Variants in NTNG1 observed in about 807,000 individuals in gnomAD.
NTNG1 encodes netrin-G1.
A neutral mutation model predicts 54.0 loss-of-function variants in NTNG1; 16 were observed. The ratio of observed to expected loss-of-function variants is 0.30; its 90% CI spans 0.20 to 0.45. The LOEUF is 0.45. Among genes scored for constraint, NTNG1 ranks in the 20% least tolerant of loss-of-function variants. The pLI is 1.00. For synonymous variants in NTNG1, 255 were observed against 263.1 expected (o/e 0.97, Z 0.30); for missense variants, 530 against 678.7 (o/e 0.78, Z 2.43).
rs561806697 is a variant in NTNG1, at chr1:107,352,509, T to C, written c.887+27587T>C. 4.6e-5 allele frequency among the ~76,000 whole-genome samples: 7 copies of C among 152,236 alleles called. No homozygotes were observed. The South Asian group carries it at 1.5e-3, about 32-fold the overall frequency. On this transcript the variant is annotated intron_variant, in intron 3 of 7. Transcript: ENST00000370068. ...GCTCCAGCCCCACATTTCCCCTCTGTGATAAGGCAAGTCCCTTCCACCTAT... is the reference window on the plus strand; with the variant it reads ...GCTCCAGCCCCACATTTCCCCTCTGCGATAAGGCAAGTCCCTTCCACCTAT...
intron 7 of NTNG1, among the ~76,000 whole-genome samples, chr1:107,475,170 A>T (rs1255817646): frequency 6.6e-6 from 1 of 152,172 alleles, no homozygotes; most frequent in African/African-American, 2.4e-5. Flanking sequence ...AAATCTACTG[A>T]CTATCTATAG....
At chr1:107,220,930 AT>A (rs531924008) in intron 2 of NTNG1, among the ~76,000 whole-genome samples, 22 of 149,902 alleles carry the variant, frequency 1.5e-4, no homozygotes, top group South Asian at 6.4e-4. Flanking sequence ...CATTCCAATC[AT>A]TTTTTTTTTA....
chr1:107,207,507 A>T (rs1041878155), intron 2 of NTNG1, among the ~76,000 whole-genome samples: 1 of 152,214 alleles, frequency 6.6e-6, no homozygotes, highest in African/African-American at 2.4e-5. Flanking sequence ...TTTTAAAGGT[A>T]TCTTCATTCT....
At chr1:107,192,735 C>A (rs576903845) in intron 2 of NTNG1, among the ~76,000 whole-genome samples, 1 of 152,038 alleles carries the variant, frequency 6.6e-6, no homozygotes, top group Admixed American at 6.6e-5. Context: ...GTCTTTGCTA[C>A]AATTATTATT....
chr1:107,476,248 T>C (rs1353310826), intron 7 of NTNG1, among the ~76,000 whole-genome samples: 1 of 152,180 alleles, frequency 6.6e-6, no homozygotes, highest in Non-Finnish European at 1.5e-5. Flanking sequence ...TCTCTTCCAA[T>C]GGCCTAAATG....
intron 6 of NTNG1, among the ~76,000 whole-genome samples, chr1:107,432,262 T>G (rs1675316775): frequency 6.6e-6 from 1 of 152,174 alleles, no homozygotes; most frequent in South Asian, 2.1e-4. Flanking sequence ...AGATGTCTTG[T>G]TTTGTTTTTA....
In NTNG1 at chr1:107,483,632, G is replaced by A. The variant is rs1678861247; in HGVS notation, c.*2792G>A. Among the ~76,000 whole-genome samples, 2 of 152,168 alleles carry A rather than the reference G, an allele frequency of 1.3e-5. No individual in the cohort carries two copies. Among genetic ancestry groups the A allele is most frequent in the Admixed American group, 1.3e-4 (2 of 15,276 alleles). Reference sequence around the variant, plus strand: ...GTTGTGCCCTAAGAACAGGACTGGGGTGAAAAGCGGGTACTCAGTTGTTCA... The same window carrying A: ...GTTGTGCCCTAAGAACAGGACTGGGATGAAAAGCGGGTACTCAGTTGTTCA... On this transcript the variant is annotated 3_prime_UTR_variant, in exon 8 of 8. Transcript: ENST00000370068.
intron 3 of NTNG1, among the ~76,000 whole-genome samples, chr1:107,372,777 T>C (rs1671000892): frequency 6.6e-6 from 1 of 152,132 alleles, no homozygotes; most frequent in Non-Finnish European, 1.5e-5. Context: ...TTTTTATTTG[T>C]CCTTCAATCA....
chr1:107,436,722 G>T lies in NTNG1; in HGVS notation c.1313G>T (p.Cys438Phe), dbSNP rs1432462986. 9 of 1,613,330 alleles carry T rather than the reference G, an allele frequency of 5.6e-6. No individual in the cohort carries two copies. Among genetic ancestry groups the T allele is most frequent in the African/African-American group, 1.3e-5 (1 of 74,914 alleles). Residue 438 changes from cysteine to phenylalanine, a missense_variant, in exon 7 of 8, where the codon TGT (cysteine) becomes TTT (phenylalanine). Physicochemically the swap from Cys to Phe is radical, Grantham distance 205 (BLOSUM62 -2). Around this residue, in one of 2 missense-constraint regions of NTNG1, gnomAD observed 212 missense variants for 213.6 expected, o/e 0.99. Transcript: ENST00000370068. ...GATCGTTGTAATGGCTCAGGATTTTGTGAGTGTAAGACTGGAACAACAGGG... is the reference window on the plus strand; with the variant it reads ...GATCGTTGTAATGGCTCAGGATTTTTTGAGTGTAAGACTGGAACAACAGGG... ...IHDRCNGSGFCECKTGTTGPK... is the reference protein window; with the variant it reads ...IHDRCNGSGFFECKTGTTGPK...
chr1:107,472,360 A>G (rs569535572), intron 7 of NTNG1, among the ~76,000 whole-genome samples: 11 of 152,348 alleles, frequency 7.2e-5, no homozygotes, highest in Admixed American at 2.0e-4. Context: ...AAAAATATTC[A>G]TGCAAATCAT....
At chr1:107,377,591 G>A (rs1395581471) in intron 3 of NTNG1, among the ~76,000 whole-genome samples, 1 of 152,126 alleles carries the variant, frequency 6.6e-6, no homozygotes, top group African/African-American at 2.4e-5. Flanking sequence ...GCTCAGTCTG[G>A]TTCCTCTTCA....
chr1:107,478,604 C>A (rs1678488508), intron 7 of NTNG1, among the ~76,000 whole-genome samples: 1 of 151,976 alleles, frequency 6.6e-6, no homozygotes, highest in African/African-American at 2.4e-5. Context: ...TCAAGGCAAG[C>A]AATTATCGAT....
At chr1:107,336,913 A>T (rs545830428) in intron 3 of NTNG1, among the ~76,000 whole-genome samples, 1 of 152,144 alleles carries the variant, frequency 6.6e-6, no homozygotes, top group South Asian at 2.1e-4. Context: ...AGTCAAAACC[A>T]CAATGAAATA....
chr1:107,143,604 G>C (rs766795080), intron 1 of NTNG1, among the ~76,000 whole-genome samples: 3 of 152,034 alleles, frequency 2.0e-5, no homozygotes, highest in Non-Finnish European at 4.4e-5. Flanking sequence ...TTGTATAGGA[G>C]ATTATATTAG....
chr1:107,187,806 G>A (rs1657577177), intron 2 of NTNG1, among the ~76,000 whole-genome samples: 1 of 152,130 alleles, frequency 6.6e-6, no homozygotes, highest in Non-Finnish European at 1.5e-5. Context: ...AGAAGCAAGG[G>A]CAGAATGACT....
At chr1:107,141,564 C>G (rs1331491784) in intron 1 of NTNG1, 1 of 152,206 alleles carries the variant, frequency 6.6e-6, no homozygotes, top group Non-Finnish European at 1.5e-5. Context: ...CCACCCGCTG[C>G]GATGCACAGG....
intron 7 of NTNG1, among the ~76,000 whole-genome samples, chr1:107,455,005 G>T (rs625926): frequency 2.4e-4 from 36 of 152,048 alleles, no homozygotes; most frequent in Admixed American, 6.5e-4. Flanking sequence ...AGCCTTGTAG[G>T]GAAGCAGAGG....
intron 2 of NTNG1, among the ~76,000 whole-genome samples, chr1:107,158,951 T>G (rs554017583): frequency 2.6e-5 from 4 of 152,140 alleles, no homozygotes; most frequent in Non-Finnish European, 4.4e-5. Context: ...GAGCTGAGAT[T>G]TGTAGGTCAT....
At chr1:107,243,600 T>C (rs199997212) in intron 2 of NTNG1, among the ~76,000 whole-genome samples, 1 of 152,098 alleles carries the variant, frequency 6.6e-6, no homozygotes, top group Non-Finnish European at 1.5e-5. Context: ...TGTATTGCCC[T>C]GGCTAGAGCG....
Sources: gnomAD v4.1 joint callset for allele counts (sites outside exome capture counted in the v4.1 genomes callset) on GRCh38, gnomAD v4.1.1 for gene constraint, gnomAD v4.1.1 regional missense constraint, MANE v1.5 for transcripts, NCBI Gene and HGNC (gene_info 2026-07-23, HGNC 2026-07-21) for gene names.